The following CRNKL1 variants were observed in gnomAD, a reference collection of about 807,000 sequenced individuals.
CRNKL1 encodes the protein crooked neck-like protein 1.
Under a neutral mutation model 103.7 loss-of-function variants are expected in CRNKL1, and 35 were observed. The ratio of observed to expected loss-of-function variants is 0.34; its 90% CI spans 0.26 to 0.45. The LOEUF (loss-of-function observed/expected upper bound fraction) is 0.45. Among genes scored for constraint, CRNKL1 ranks in the 20% least tolerant of loss-of-function variants. The pLI is 1.00. For synonymous variants in CRNKL1, 267 were observed against 282.6 expected (o/e 0.94, Z 0.55); for missense variants, 645 against 836.0 (o/e 0.77, Z 2.82).
Position 20,045,441 on chromosome 20 carries a change from CG to C in CRNKL1, c.667del (p.Arg223AlafsTer51). 6.2e-7 allele frequency: 1 copy of C among 1,612,578 alleles called. No individual in the cohort carries two copies. Among genetic ancestry groups the C allele is most frequent in the Non-Finnish European group, 8.5e-7 (1 of 1,179,442 alleles). On this transcript the variant is annotated frameshift_variant, in exon 6 of 14. Transcript: ENST00000536226. LOFTEE classifies it high-confidence loss of function. Reference sequence around the variant, plus strand: ...AAAATAAGCATGTTTTTCTTCAAAGCGGGCATACTTGATCCAGTTCTTAACA... The same window carrying C: ...AAAATAAGCATGTTTTTCTTCAAAGCGGCATACTTGATCCAGTTCTTAACA... ...PDVKNWIKYA[R>X]FEEKHAYFAH...
At chr20:20,040,928 C>T (rs934662042) in intron 9 of CRNKL1, among the ~76,000 whole-genome samples, 162 bp from the exon 10 acceptor site, 1 of 152,186 alleles carries the variant, frequency 6.6e-6, no homozygotes, top group East Asian at 1.9e-4. Flanking sequence ...AGACCACATT[C>T]ATTTCACAAA....
intron 8 of CRNKL1, among the ~76,000 whole-genome samples, 158 bp from the exon 9 acceptor site, chr20:20,041,783 A>G (rs2146490004): frequency 6.6e-6 from 1 of 152,352 alleles, no homozygotes; most frequent in South Asian, 2.1e-4. Flanking sequence ...GATCTAAAGT[A>G]TGAACGGCCA....
At chr20:20,054,617 A>G (rs1568781717), upstream of CRNKL1, among the ~76,000 whole-genome samples, 1 of 152,232 alleles carries the variant, frequency 6.6e-6, no homozygotes, top group Non-Finnish European at 1.5e-5. Context: ...ACTGTGCTAC[A>G]ATGGCAGAGT....
chr20:20,052,918 A>ATT (rs2043870189), upstream of CRNKL1, among the ~76,000 whole-genome samples: 1 of 92,578 alleles, frequency 1.1e-5, no homozygotes, highest in Non-Finnish European at 2.2e-5. Context: ...GTTGTGCCCA[A>ATT]ATAATTCTAA....
chr20:20,035,835 ACT>A lies in CRNKL1; in HGVS notation c.*358_*359del, dbSNP rs1049377110. The A allele has an allele frequency of 3.8e-4, 64 of 168,522 alleles. No homozygotes were observed. The highest frequency in any genetic ancestry group is 3.4e-4 in the East Asian group (2 of 5,808). The allele number at this position is 168,522 out of a possible 1,614,324, so 10.4% of individuals were successfully genotyped here. A position where few individuals can be genotyped will look rare whatever the true frequency, so the allele number is the denominator to read the frequency against. ...GCTGGGAAATGAACTCAAGTCTGTGACTCTGAAGACATGAAAAAGTTACACAT... is the reference window on the plus strand; with the variant it reads ...GCTGGGAAATGAACTCAAGTCTGTGACTGAAGACATGAAAAAGTTACACAT... On this transcript the variant is annotated 3_prime_UTR_variant, in exon 14 of 14. Transcript: ENST00000536226.
At position 20,052,373 on chromosome 20, in the gene CRNKL1, C is replaced by G. The variant is rs1172905733; in HGVS notation, c.-31G>C. On this transcript the variant is annotated 5_prime_UTR_variant, in exon 1 of 14. Transcript: ENST00000536226. Reference sequence around the variant, plus strand: ...CAGCAGTCGACCTCTGGACACCTGTCCCCGGCACGGACGCTAGAAATCGGC... The same window carrying G: ...CAGCAGTCGACCTCTGGACACCTGTGCCCGGCACGGACGCTAGAAATCGGC... 2.5e-6 allele frequency: 4 copies of G among 1,613,826 alleles called. No individual in the cohort carries two copies. The highest frequency in any genetic ancestry group is 2.7e-5 in the African/African-American group (2 of 74,944).
At chr20:20,052,756 A>C (rs1360358929), upstream of CRNKL1, 1 of 1,561,698 alleles carries the variant, frequency 6.4e-7, no homozygotes, top group Non-Finnish European at 8.7e-7. Context: ...TCCAATCTGG[A>C]TGCTCGAGGG....
chr20:20,036,401 T>C (rs375327570), intron 13 of CRNKL1, 39 bp from the exon 14 acceptor site: 20 of 1,594,144 alleles, frequency 1.3e-5, no homozygotes, highest in Non-Finnish European at 1.6e-5. Flanking sequence ...CAAACGTGGG[T>C]GATATACTCA....
intron 1 of CRNKL1, among the ~76,000 whole-genome samples, chr20:20,051,765 T>C (rs971022474): frequency 1.3e-5 from 2 of 152,214 alleles, no homozygotes; most frequent in Admixed American, 6.5e-5. Context: ...AATTAACTTA[T>C]GATACTATAC....
At chr20:20,038,247 A>T in intron 12 of CRNKL1, 102 bp downstream of exon 12, 1 of 705,706 alleles carries the variant, frequency 1.4e-6, no homozygotes, top group Non-Finnish European at 2.3e-6. Flanking sequence ...TTAAAAAAAA[A>T]AAAAAAACAA....
chr20:20,051,117 A>G (rs2043710917), intron 1 of CRNKL1, among the ~76,000 whole-genome samples: 1 of 152,236 alleles, frequency 6.6e-6, no homozygotes, highest in South Asian at 2.1e-4. Context: ...TTGAGGTCTT[A>G]GAAGCTTACA....
chr20:20,043,699 A>T, intron 6 of CRNKL1, 37 bp from the exon 7 acceptor site: 2 of 1,581,048 alleles, frequency 1.3e-6, no homozygotes, highest in Non-Finnish European at 1.7e-6. Context: ...CTATAACACA[A>T]TATTCTCATG....
At chr20:20,047,677 G>A (rs2043614761) in intron 5 of CRNKL1, 88 bp downstream of exon 5, 1 of 1,340,788 alleles carries the variant, frequency 7.5e-7, no homozygotes, top group Admixed American at 2.1e-5. Context: ...ATTAATGACT[G>A]TGTGTCCTGA....
At chr20:20,052,581 C>T (rs764825513), upstream of CRNKL1, 3 of 1,613,878 alleles carry the variant, frequency 1.9e-6, no homozygotes, top group Admixed American at 1.7e-5. Flanking sequence ...CGTCCTGGAG[C>T]TGCGGATGAG....
At chr20:20,050,854 G>C (rs1340960585) in intron 1 of CRNKL1, among the ~76,000 whole-genome samples, 1 of 152,102 alleles carries the variant, frequency 6.6e-6, no homozygotes, top group South Asian at 2.1e-4. Context: ...AGAGAAAAAG[G>C]TGGCAAAAAT....
At chr20:20,045,202 C>T (rs983218663) in intron 6 of CRNKL1, 106 bp downstream of exon 6, 15 of 945,680 alleles carry the variant, frequency 1.6e-5, no homozygotes, top group Middle Eastern at 2.7e-4. Flanking sequence ...TTGAAAACAT[C>T]TTTCCAGGGA....
chr20:20,052,901 C>A, upstream of CRNKL1: 1 of 607,918 alleles, frequency 1.6e-6, no homozygotes, highest in East Asian at 2.9e-5. Context: ...TTTCTGGTTT[C>A]GGGACAGTTG....
At position 20,037,564 on chromosome 20, in the gene CRNKL1, A is replaced by T. The variant is rs1328832087; in HGVS notation, c.1655T>A (p.Ile552Asn). The T allele has an allele frequency of 6.2e-7, 1 of 1,610,818 alleles. No homozygotes were observed. The highest frequency in any genetic ancestry group is 8.5e-7 in the Non-Finnish European group (1 of 1,179,150). The change falls in exon 13 of 14, where the codon ATC becomes AAC. Residue 552 changes from isoleucine to asparagine, a missense_variant. By Grantham distance (149) the Ile-to-Asn change is moderately radical. Around this residue, in one of 2 missense-constraint regions of CRNKL1, gnomAD observed 582 missense variants for 707.7 expected, o/e 0.82. Coordinates refer to ENST00000536226, the MANE Select transcript of CRNKL1 (RefSeq NM_001278628.2). ...AGACAACTCAAACTGAGCAAAGCTG[A>T]TCCATACCTTTAAAAAAAGTTATTA... ...LQRTQHVKVW[I>N]SFAQFELSSG...
chr20:20,037,704 A>AATATATGAAAAAGCATATATTC, intron 12 of CRNKL1, 133 bp from the exon 13 acceptor site: 1 of 762,880 alleles, frequency 1.3e-6, no homozygotes, highest in Non-Finnish European at 2.1e-6. Flanking sequence ...CACAGATGAA[A>AATATATGAAAAAGCATATATTC]ACAATGAATA....
Sources: allele counts gnomAD v4.1 joint callset (sites outside exome capture counted in the v4.1 genomes callset), GRCh38; gene constraint gnomAD v4.1.1; regional missense constraint gnomAD v4.1.1; transcripts MANE v1.5; gene names NCBI Gene and HGNC (gene_info 2026-07-23, HGNC 2026-07-21).